ZNF804B: variants seen among roughly 807,000 people sequenced by gnomAD.
The protein encoded by ZNF804B is zinc finger protein 804B.
Under a neutral mutation model 101.4 loss-of-function variants are expected in ZNF804B, and 80 were observed. That is an observed-to-expected ratio of 0.79 (90% CI 0.66 to 0.95). The LOEUF (loss-of-function observed/expected upper bound fraction) is 0.95, where lower values mean the gene tolerates loss of function less well. Among genes scored for constraint, ZNF804B ranks in the 40% least tolerant of loss-of-function variants. The pLI, the probability that ZNF804B is intolerant of heterozygous loss-of-function variation, is 0.00. For synonymous variants in ZNF804B, 622 were observed against 558.8 expected (o/e 1.11, Z -1.59); for missense variants, 1,673 against 1,561.9 (o/e 1.07, Z -1.20).
At chr7:88,767,799 A>G (rs1288332345) in intron 1 of ZNF804B, among the ~76,000 whole-genome samples, 1 of 152,224 alleles carries the variant, frequency 6.6e-6, no homozygotes, top group Non-Finnish European at 1.5e-5. Context: ...CTTATACTGA[A>G]GAGTTCTTGA....
In ZNF804B at chr7:89,336,792, A is replaced by G; in HGVS notation, c.3810A>G (p.Leu1270=). 2 of 1,613,992 alleles carry G rather than the reference A, an allele frequency of 1.2e-6. No individual in the cohort carries two copies. Among genetic ancestry groups the G allele is most frequent in the Non-Finnish European group, 1.7e-6 (2 of 1,179,996 alleles). The part of the protein sequence containing the change: ...PTFLAGHPLH[L]VAATPFHPSH... ...TCTTAGCAGGTCATCCCCTGCATTT[A>G]GTAGCTGCTACCCCCTTCCACCCAT... Residue 1270 remains leucine (L), a synonymous_variant, in exon 4 of 4, where the codon TTA becomes TTG. Transcript: ENST00000333190.
In ZNF804B at chr7:89,207,120, T is replaced by C. The variant is rs12112765; in HGVS notation, c.109-11035T>C. ...TTTTCTTCTGAGCCCTCCAAATTAT[T>C]TGAACTTCTGCCTGTTACCCAGTTC... On this transcript the variant is annotated intron_variant, in intron 1 of 3. Transcript: ENST00000333190. 6.0e-3 allele frequency among the ~76,000 whole-genome samples: 917 copies of C among 152,306 alleles called. 4 individuals carry two copies. Among genetic ancestry groups the C allele is most frequent in the African/African-American group, 0.021 (870 of 41,570 alleles).
chr7:89,323,774 G>T (rs1470891159), intron 2 of ZNF804B, among the ~76,000 whole-genome samples: 1 of 152,036 alleles, frequency 6.6e-6, no homozygotes, highest in Non-Finnish European at 1.5e-5. Context: ...AATGTGTAAA[G>T]TAGCATTTTT....
intron 1 of ZNF804B, among the ~76,000 whole-genome samples, chr7:89,042,477 A>G (rs549276141): frequency 6.6e-4 from 101 of 152,282 alleles, no homozygotes; most frequent in African/African-American, 2.4e-3. Context: ...GCCCTAAAAT[A>G]TTTACCAAAT....
At chr7:89,256,535 A>AAT in intron 2 of ZNF804B, among the ~76,000 whole-genome samples, 1 of 52,558 alleles carries the variant, frequency 1.9e-5, no homozygotes, top group African/African-American at 1.7e-4. Flanking sequence ...ACAGAGCAAG[A>AAT]CTGTCAAAAA....
At chr7:89,097,601 T>C (rs1053290831) in intron 1 of ZNF804B, among the ~76,000 whole-genome samples, 1 of 152,070 alleles carries the variant, frequency 6.6e-6, no homozygotes, top group African/African-American at 2.4e-5. Flanking sequence ...TATGGAAAAA[T>C]CACTAAAGCT....
chr7:88,952,136 A>G (rs968941997), intron 1 of ZNF804B, among the ~76,000 whole-genome samples: 9 of 151,816 alleles, frequency 5.9e-5, no homozygotes, highest in African/African-American at 2.2e-4. Flanking sequence ...CTCACTTCTC[A>G]GATTGATGGG....
chr7:89,205,006 G>T (rs745525500), intron 1 of ZNF804B, among the ~76,000 whole-genome samples: 9 of 152,132 alleles, frequency 5.9e-5, no homozygotes, highest in Non-Finnish European at 1.3e-4. Context: ...ACATGGCTGG[G>T]GAGACCTCAC....
intron 1 of ZNF804B, among the ~76,000 whole-genome samples, chr7:89,068,585 T>C (rs1178850406): frequency 6.6e-6 from 1 of 152,148 alleles, no homozygotes; most frequent in Non-Finnish European, 1.5e-5. Flanking sequence ...GCATTCTATG[T>C]TGGGAATAGA....
intron 1 of ZNF804B, among the ~76,000 whole-genome samples, chr7:89,208,724 C>T (rs529054749): frequency 2.3e-4 from 35 of 152,088 alleles, no homozygotes; most frequent in East Asian, 5.8e-4. Context: ...AAAATAATCC[C>T]TGTTTAGACT....
At chr7:88,985,156 T>C (rs1194336552) in intron 1 of ZNF804B, among the ~76,000 whole-genome samples, 1 of 151,690 alleles carries the variant, frequency 6.6e-6, no homozygotes, top group Non-Finnish European at 1.5e-5. Context: ...TTGATAACTA[T>C]ATGAATTAAT....
intron 1 of ZNF804B, among the ~76,000 whole-genome samples, chr7:89,015,300 C>G (rs543604247): frequency 6.7e-6 from 1 of 148,658 alleles, no homozygotes; most frequent in African/African-American, 2.5e-5. Context: ...AGCTTTGTTT[C>G]TTTTTTCTTT....
chr7:89,082,251 A>G (rs1393098104), intron 1 of ZNF804B, among the ~76,000 whole-genome samples: 1 of 151,736 alleles, frequency 6.6e-6, no homozygotes, highest in Non-Finnish European at 1.5e-5. Flanking sequence ...AAATTTGAAT[A>G]TAAATAGATG....
At position 89,143,916 on chromosome 7, in the gene ZNF804B, C is replaced by T. The variant is rs138340167; in HGVS notation, c.109-74239C>T. 1.9e-3 allele frequency among the ~76,000 whole-genome samples: 290 copies of T among 152,068 alleles called. 1 individual carries two copies. In the East Asian group the frequency reaches 0.031, roughly 16 times the overall value. ...CCATTATTCTAACATGGGCTGGTGG[C>T]AATAGCCTTAAATTAATGCTGGTAT... On this transcript the variant is annotated intron_variant, in intron 1 of 3. Transcript: ENST00000333190.
At chr7:89,203,479 T>A (rs1788674877) in intron 1 of ZNF804B, among the ~76,000 whole-genome samples, 1 of 152,178 alleles carries the variant, frequency 6.6e-6, no homozygotes, top group Non-Finnish European at 1.5e-5. Context: ...TAGCATTTTT[T>A]AAATTTTTTT....
chr7:88,764,292 A>G (rs972424941), intron 1 of ZNF804B, among the ~76,000 whole-genome samples: 2 of 152,172 alleles, frequency 1.3e-5, no homozygotes, highest in Non-Finnish European at 2.9e-5. Flanking sequence ...AGATAAGGTT[A>G]TATTTCTTAA....
At chr7:88,918,040 C>T (rs1333730648) in intron 1 of ZNF804B, among the ~76,000 whole-genome samples, 1 of 152,058 alleles carries the variant, frequency 6.6e-6, no homozygotes, top group Non-Finnish European at 1.5e-5. Flanking sequence ...TTAGCAAAAA[C>T]TACCTTGGTA....
At chr7:88,943,127 C>G (rs1793078474) in intron 1 of ZNF804B, among the ~76,000 whole-genome samples, 1 of 151,866 alleles carries the variant, frequency 6.6e-6, no homozygotes. Flanking sequence ...TCTTCTTTCT[C>G]TCTGCTTAGC....
chr7:89,083,677 A>G (rs1422585625), intron 1 of ZNF804B, among the ~76,000 whole-genome samples: 2 of 151,964 alleles, frequency 1.3e-5, no homozygotes, highest in Admixed American at 1.3e-4. Flanking sequence ...AAAATTTCAT[A>G]TAACTTAAGT....
Sources: allele counts gnomAD v4.1 joint callset (sites outside exome capture counted in the v4.1 genomes callset), GRCh38; gene constraint gnomAD v4.1.1; transcripts MANE v1.5; gene names NCBI Gene and HGNC (gene_info 2026-07-23, HGNC 2026-07-21).